Variants in ADCY2 observed in about 807,000 individuals in gnomAD.
The protein encoded by ADCY2 is adenylate cyclase 2, also known as adenylate cyclase type 2.
Under a neutral mutation model 125.2 loss-of-function variants are expected in ADCY2, and 31 were observed. The observed-to-expected ratio is 0.25, with a 90% CI of 0.19 to 0.33. ADCY2 has a LOEUF of 0.33. Ranked by LOEUF, ADCY2 falls within the 10% of genes least tolerant of loss-of-function variation. ADCY2 has a pLI of 1.00. For synonymous variants in ADCY2, 512 were observed against 548.4 expected, an observed-to-expected ratio of 0.93 and a Z score of 0.93; for missense variants, 904 against 1,418.2, an observed-to-expected ratio of 0.64 and a Z score of 5.82.
At chr5:7,496,015 G>A (rs1399490960) in intron 2 of ADCY2, among the ~76,000 whole-genome samples, 1 of 152,190 alleles carries the variant, frequency 6.6e-6, no homozygotes, top group African/African-American at 2.4e-5. Flanking sequence ...GGTGGTTGTT[G>A]CTGCTGCATA....
At chr5:7,776,371 C>G (rs767693007) in intron 18 of ADCY2, among the ~76,000 whole-genome samples, 5 of 152,056 alleles carry the variant, frequency 3.3e-5, no homozygotes, top group Admixed American at 2.0e-4. Flanking sequence ...TTGTCCCATC[C>G]GTTTGGTGAC....
intron 2 of ADCY2, among the ~76,000 whole-genome samples, chr5:7,469,953 C>T (rs1742276581): frequency 6.6e-6 from 1 of 151,492 alleles, no homozygotes; most frequent in Non-Finnish European, 1.5e-5. Context: ...TCTCCAGACC[C>T]ATCTTATTCT....
At chr5:7,806,066 A>G (rs562252857) in intron 22 of ADCY2, among the ~76,000 whole-genome samples, 1 of 152,342 alleles carries the variant, frequency 6.6e-6, no homozygotes, top group South Asian at 2.1e-4. Context: ...TGGCCAAAGG[A>G]AAACTGCTGT....
At chr5:7,741,630 CA>C (rs1742415685) in intron 14 of ADCY2, among the ~76,000 whole-genome samples, 22 of 98,282 alleles carry the variant, frequency 2.2e-4, no homozygotes, top group Admixed American at 3.3e-4. Context: ...TCATTATCAC[CA>C]TCATCATCAC....
intron 4 of ADCY2, among the ~76,000 whole-genome samples, chr5:7,688,211 A>G (rs780116641): frequency 3.3e-5 from 5 of 151,990 alleles, no homozygotes; most frequent in Non-Finnish European, 7.4e-5. Flanking sequence ...CCCTTCTCCC[A>G]TCAGGGACTC....
chr5:7,413,544 C>T (rs1481757036), intron 1 of ADCY2, among the ~76,000 whole-genome samples: 1 of 151,904 alleles, frequency 6.6e-6, no homozygotes, highest in Non-Finnish European at 1.5e-5. Flanking sequence ...GTGATCTGCC[C>T]GCCTCGGCCT....
chr5:7,546,251 T>C (rs1002836835), intron 3 of ADCY2, among the ~76,000 whole-genome samples: 3 of 152,234 alleles, frequency 2.0e-5, no homozygotes, highest in African/African-American at 7.2e-5. Flanking sequence ...TTCCCAGCTA[T>C]GTCCAGAGTT....
intron 4 of ADCY2, among the ~76,000 whole-genome samples, chr5:7,688,853 C>T (rs1351429508): frequency 6.6e-6 from 1 of 152,160 alleles, no homozygotes; most frequent in African/African-American, 2.4e-5. Flanking sequence ...CTAAACACTT[C>T]CATGGGCACA....
intron 18 of ADCY2, among the ~76,000 whole-genome samples, chr5:7,782,833 G>T (rs969647007): frequency 6.6e-6 from 1 of 152,216 alleles, no homozygotes; most frequent in Non-Finnish European, 1.5e-5. Flanking sequence ...GCACCCATCG[G>T]TCACTTCAGC....
intron 2 of ADCY2, among the ~76,000 whole-genome samples, chr5:7,479,229 A>C (rs1379077896): frequency 6.6e-6 from 1 of 152,138 alleles, no homozygotes; most frequent in Non-Finnish European, 1.5e-5. Context: ...ACGTTTGAAT[A>C]AGAGTGATAA....
At chr5:7,765,783 G>A (rs1456881406) in intron 16 of ADCY2, among the ~76,000 whole-genome samples, 1 of 152,168 alleles carries the variant, frequency 6.6e-6, no homozygotes, top group Non-Finnish European at 1.5e-5. Flanking sequence ...TTATGGATGA[G>A]ATTAATTTCT....
At chr5:7,778,864 C>A (rs150475504) in intron 18 of ADCY2, among the ~76,000 whole-genome samples, 1 of 152,314 alleles carries the variant, frequency 6.6e-6, no homozygotes, top group African/African-American at 2.4e-5. Context: ...GCAGACCTTA[C>A]CCTGGGGCAG....
intron 5 of ADCY2, 123 bp downstream of exon 5, chr5:7,690,962 A>G: frequency 8.5e-7 from 1 of 1,170,222 alleles, no homozygotes. Flanking sequence ...TTGCAGGGGA[A>G]ATAATCACAC....
At chr5:7,408,453 C>T (rs909545539) in intron 1 of ADCY2, among the ~76,000 whole-genome samples, 4 of 151,788 alleles carry the variant, frequency 2.6e-5, no homozygotes, top group East Asian at 2.0e-4. Context: ...CTGCAACCTC[C>T]GCCTCCCGAG....
intron 22 of ADCY2, among the ~76,000 whole-genome samples, chr5:7,806,365 C>T (rs950217523): frequency 1.3e-5 from 2 of 152,078 alleles, no homozygotes; most frequent in East Asian, 3.9e-4. Context: ...TTTCTTACTG[C>T]CTCAGGCTCT....
intron 14 of ADCY2, among the ~76,000 whole-genome samples, chr5:7,734,505 T>G (rs541257581): frequency 7.9e-5 from 12 of 152,334 alleles, no homozygotes; most frequent in African/African-American, 2.6e-4. Flanking sequence ...AAAGTAATTT[T>G]TCTTGCCTCA....
chr5:7,425,018 C>T (rs1423541109), intron 2 of ADCY2, among the ~76,000 whole-genome samples: 4 of 152,160 alleles, frequency 2.6e-5, no homozygotes, highest in Non-Finnish European at 5.9e-5. Context: ...TCCAGCCACT[C>T]GCCAGCTTCT....
intron 11 of ADCY2, among the ~76,000 whole-genome samples, chr5:7,716,224 C>T (rs575116177): frequency 2.7e-4 from 41 of 152,238 alleles, no homozygotes; most frequent in African/African-American, 8.7e-4. Flanking sequence ...GTGAATAGTG[C>T]TTTGAAAACT....
chr5:7,619,171 A>G (rs1737867848), intron 3 of ADCY2, among the ~76,000 whole-genome samples: 1 of 152,200 alleles, frequency 6.6e-6, no homozygotes, highest in South Asian at 2.1e-4. Flanking sequence ...GTAATCATTG[A>G]CTTGTTGCCT....
Sources: gnomAD v4.1 joint callset for allele counts (sites outside exome capture counted in the v4.1 genomes callset) on GRCh38, gnomAD v4.1.1 for gene constraint, MANE v1.5 for transcripts, NCBI Gene and HGNC (gene_info 2026-07-23, HGNC 2026-07-21) for gene names.